PLB1: variants seen among roughly 807,000 people sequenced by gnomAD.
The protein encoded by PLB1 is phospholipase B1, membrane-associated.
A neutral mutation model predicts 227.4 loss-of-function variants in PLB1; 242 were observed. The ratio of observed to expected loss-of-function variants is 1.06; its 90% CI spans 0.96 to 1.18. The LOEUF is 1.18. PLB1 is among the 50% of genes most tolerant of loss of function. The pLI, the probability that PLB1 is intolerant of heterozygous loss-of-function variation, is 0.00. For missense variants in PLB1, 1,858 were observed against 1,816.3 expected, an observed-to-expected ratio of 1.02 and a Z score of -0.42; for synonymous variants, 757 against 682.2, an observed-to-expected ratio of 1.11 and a Z score of -1.71.
intron 56 of PLB1, 103 bp from the exon 57 acceptor site, chr2:28,640,824 C>T (rs932177169): frequency 4.0e-5 from 49 of 1,219,638 alleles, no homozygotes; most frequent in Non-Finnish European, 5.3e-5. Context: ...TTCTATCCCC[C>T]ACCCCGTTCC....
chr2:28,537,859 C>T (rs934504355), intron 9 of PLB1, among the ~76,000 whole-genome samples: 2 of 152,010 alleles, frequency 1.3e-5, no homozygotes, highest in African/African-American at 2.4e-5. Flanking sequence ...AAGAGAAAAG[C>T]TAATAAAATA....
At chr2:28,540,653 A>G (rs776808721) in intron 12 of PLB1, among the ~76,000 whole-genome samples, 1 of 152,130 alleles carries the variant, frequency 6.6e-6, no homozygotes, top group Non-Finnish European at 1.5e-5. Flanking sequence ...GGCCTGCAGG[A>G]CTGGTAGGGG....
At chr2:28,546,888 T>C (rs1172037888) in intron 14 of PLB1, among the ~76,000 whole-genome samples, 4 of 152,088 alleles carry the variant, frequency 2.6e-5, no homozygotes, top group Non-Finnish European at 5.9e-5. Flanking sequence ...CAGATTCCAT[T>C]ATGGATTAAA....
At chr2:28,577,756 G>A (rs1679221886) in intron 21 of PLB1, among the ~76,000 whole-genome samples, 1 of 152,232 alleles carries the variant, frequency 6.6e-6, no homozygotes, top group African/African-American at 2.4e-5. Flanking sequence ...CAGGAGAATT[G>A]CTTGAACCCA....
chr2:28,503,340 G>A (rs1667306958), intron 1 of PLB1, among the ~76,000 whole-genome samples: 2 of 151,974 alleles, frequency 1.3e-5, no homozygotes, highest in South Asian at 4.2e-4. Flanking sequence ...AAATTTGTAG[G>A]GAGGGAGTCT....
chr2:28,581,975 A>G, intron 23 of PLB1, 93 bp from the exon 24 acceptor site: 1 of 1,298,100 alleles, frequency 7.7e-7, no homozygotes, highest in African/African-American at 1.5e-5. Flanking sequence ...AAAGAAAAAA[A>G]AAAAAGAAGG....
intron 43 of PLB1, among the ~76,000 whole-genome samples, chr2:28,608,560 T>A (rs571591267): frequency 2.6e-5 from 4 of 152,314 alleles, no homozygotes; most frequent in Non-Finnish European, 4.4e-5. Context: ...GGATTTCTGT[T>A]GTAGTTTCAA....
chr2:28,549,398 G>T (rs1163712839), intron 15 of PLB1, among the ~76,000 whole-genome samples: 1 of 142,364 alleles, frequency 7.0e-6, no homozygotes, highest in Non-Finnish European at 1.5e-5. Flanking sequence ...GGACATAAAT[G>T]AATGAGATTC....
At position 28,591,806 on chromosome 2, in the gene PLB1, G is replaced by A. The variant is rs752599673; in HGVS notation, c.2188+46G>A. The stretch of plus-strand genomic sequence containing the variant: ...CAGGACCCAGGGCCCCTCCACAGGG[G>A]CTGCTATGCTGGTGAGTCCTCTGAC... On this transcript the variant is annotated intron_variant, in intron 31 of 57. Coordinates refer to ENST00000327757, the MANE Select transcript of PLB1 (RefSeq NM_153021.5). The A allele has an allele frequency of 3.8e-6, 6 of 1,580,754 alleles. No individual in the cohort carries two copies. In the East Asian group the frequency reaches 6.7e-5, roughly 18 times the overall value.
Position 28,643,380 on chromosome 2 carries a change from A to G in PLB1, c.*319A>G, listed in dbSNP as rs894313546. ...AGCAGGGCTGCCCAAGCCACGACCA[A>G]CCAGAGCCCAAACTGCCTGCCACCA... On this transcript the variant is annotated 3_prime_UTR_variant, in exon 58 of 58. Coordinates refer to ENST00000327757, the MANE Select transcript of PLB1 (RefSeq NM_153021.5). 3.8e-5 allele frequency: 9 copies of G among 234,526 alleles called. No individual in the cohort carries two copies. Among genetic ancestry groups the G allele is most frequent in the African/African-American group, 1.3e-4 (6 of 44,584 alleles). 14.5% of individuals were successfully genotyped at this position (234,526 alleles called of 1,614,324 possible). A position where few individuals can be genotyped will look rare whatever the true frequency, so the allele number is the denominator to read the frequency against.
At chr2:28,581,768 T>A (rs1001330773) in intron 23 of PLB1, among the ~76,000 whole-genome samples, 2 of 151,864 alleles carry the variant, frequency 1.3e-5, no homozygotes, top group African/African-American at 2.4e-5. Context: ...AGGACCAGCC[T>A]GGGCAACATG....
chr2:28,603,846 G>A, intron 39 of PLB1, 120 bp from the exon 40 acceptor site: 1 of 869,038 alleles, frequency 1.2e-6, no homozygotes, highest in Non-Finnish European at 1.9e-6. Context: ...CAAGGCTTGA[G>A]TGCTCCTAAA....
chr2:28,558,848 C>T (rs923891671), intron 17 of PLB1, among the ~76,000 whole-genome samples: 4 of 152,118 alleles, frequency 2.6e-5, no homozygotes, highest in African/African-American at 9.7e-5. Context: ...GTTGTGAGGG[C>T]CACAAGACAA....
rs1399164108 is a variant in PLB1 at position 28,628,889 on chromosome 2, G to A, written c.3727-205G>A. The stretch of plus-strand genomic sequence containing the variant: ...CCCAGCACTGTGGCTTCGGGCAAGT[G>A]ACTTCCCTGTGTCTCAGTTTCTCAA... On this transcript the variant is annotated intron_variant, in intron 52 of 57. Transcript: ENST00000327757. Among the ~76,000 whole-genome samples, 3 of 152,194 alleles carry A rather than the reference G, an allele frequency of 2.0e-5. No individual in the cohort carries two copies. In the East Asian group the frequency reaches 5.8e-4, roughly 29 times the overall value.
rs1455025048 is a variant in PLB1 at position 28,563,699 on chromosome 2, A to G, written c.1206+600A>G. Among the ~76,000 whole-genome samples the G allele has an allele frequency of 2.0e-5, 3 of 152,160 alleles. No individual in the cohort carries two copies. In the East Asian group the frequency reaches 5.8e-4, roughly 29 times the overall value. On this transcript the variant is annotated intron_variant, in intron 18 of 57. Coordinates refer to ENST00000327757, the MANE Select transcript of PLB1 (RefSeq NM_153021.5). ...CTGCAAAGCACTATCCATGAAAAGC[A>G]GAATCAGGCCCTTGAGAGCCTGGGG...
chr2:28,550,166 C>G (rs1673994094), intron 16 of PLB1, 82 bp downstream of exon 16: 2 of 1,062,934 alleles, frequency 1.9e-6, no homozygotes, highest in Non-Finnish European at 1.3e-6. Flanking sequence ...GAACCTTCCA[C>G]GTGGTTTTTT....
chr2:28,582,523 C>T lies in PLB1; in HGVS notation c.1733+18C>T, dbSNP rs767852201. 10 of 1,564,038 alleles carry T rather than the reference C, an allele frequency of 6.4e-6. No homozygotes were observed. The highest frequency in any genetic ancestry group is 3.3e-4 in the Middle Eastern group (2 of 5,990). On this transcript the variant is annotated intron_variant, in intron 25 of 57. Coordinates refer to ENST00000327757, the MANE Select transcript of PLB1 (RefSeq NM_153021.5). Reference sequence around the variant, plus strand: ...ATCCTCAGGTCAGACAGATACTTCTCCCCGATTCTACTAAGAATCCTCACT... The same window carrying T: ...ATCCTCAGGTCAGACAGATACTTCTTCCCGATTCTACTAAGAATCCTCACT...
chr2:28,523,643 C>T (rs1669845762), intron 4 of PLB1, among the ~76,000 whole-genome samples: 2 of 152,112 alleles, frequency 1.3e-5, no homozygotes. Context: ...CTCTTATTCT[C>T]TCCTCTTTCC....
chr2:28,514,776 G>A (rs1039417976), intron 1 of PLB1, among the ~76,000 whole-genome samples: 1 of 152,224 alleles, frequency 6.6e-6, no homozygotes, highest in African/African-American at 2.4e-5. Context: ...AGTCAGATGA[G>A]CCAGACTGCC....
Sources: allele counts gnomAD v4.1 joint callset (sites outside exome capture counted in the v4.1 genomes callset), GRCh38; gene constraint gnomAD v4.1.1; transcripts MANE v1.5; gene names NCBI Gene and HGNC (gene_info 2026-07-23, HGNC 2026-07-21).